WWP2: variants seen among roughly 807,000 people sequenced by gnomAD.
WWP2 encodes the protein NEDD4-like E3 ubiquitin-protein ligase WWP2.
WWP2 carries 57 observed loss-of-function variants against 121.0 expected under a neutral mutation model. The observed-to-expected ratio is 0.47, with a 90% CI of 0.38 to 0.59. The LOEUF (loss-of-function observed/expected upper bound fraction) is 0.59, where lower values mean the gene tolerates loss of function less well. Ranked by LOEUF, WWP2 falls within the 20% of genes least tolerant of loss-of-function variation. The pLI, the probability that WWP2 is intolerant of heterozygous loss-of-function variation, is 0.00. For missense variants in WWP2, 962 were observed against 1,158.9 expected (o/e 0.83, Z 2.47); for synonymous variants, 449 against 441.3 (o/e 1.02, Z -0.22).
At chr16:69,776,550 C>T (rs1378583546) in intron 1 of WWP2, among the ~76,000 whole-genome samples, 4 of 152,138 alleles carry the variant, frequency 2.6e-5, no homozygotes, top group African/African-American at 7.2e-5. Context: ...TGATAATAGG[C>T]CGGGCGCAGT....
At position 69,939,924 on chromosome 16, in the gene WWP2, G is replaced by T; in HGVS notation, c.2597G>T (p.Gly866Val). Residue 866 changes from glycine (G) to valine (V), a missense_variant, in exon 24 of 24, where the codon GGC becomes GTC. By Grantham distance (109) the Gly-to-Val change is moderately radical. This residue lies in a region of WWP2 where 606 missense variants were observed against 772.6 expected (regional missense o/e 0.78). Coordinates refer to ENST00000359154, the MANE Select transcript of WWP2 (RefSeq NM_001270454.2). The stretch of plus-strand genomic sequence containing the variant: ...CTGTATGCCATTGAGGAGACCGAGG[G>T]CTTTGGACAGGAGTAACCGAGGCCG... ...KLLYAIEETE[G>V]FGQE The T allele has an allele frequency of 6.2e-7, 1 of 1,613,702 alleles. No individual in the cohort carries two copies. The highest frequency in any genetic ancestry group is 8.5e-7 in the Non-Finnish European group (1 of 1,179,874).
intron 8 of WWP2, among the ~76,000 whole-genome samples, chr16:69,903,779 AAAG>A (rs1407816121): frequency 1.3e-5 from 2 of 151,912 alleles, no homozygotes; most frequent in Non-Finnish European, 1.5e-5. Context: ...AAAAAAAAAA[AAAG>A]AAAGAAAGAA....
At chr16:69,772,546 G>A (rs1461297082) in intron 1 of WWP2, among the ~76,000 whole-genome samples, 1 of 152,162 alleles carries the variant, frequency 6.6e-6, no homozygotes, top group East Asian at 1.9e-4. Flanking sequence ...GCAGGGCTAC[G>A]CTATAGGCAG....
intron 11 of WWP2, among the ~76,000 whole-genome samples, chr16:69,927,606 C>T (rs929428497): frequency 1.5e-4 from 23 of 152,246 alleles, no homozygotes; most frequent in Non-Finnish European, 2.9e-4. Context: ...GCCTCAAGCC[C>T]GCTGGACAGA....
intron 4 of WWP2, among the ~76,000 whole-genome samples, chr16:69,836,587 C>T (rs1290852528): frequency 6.6e-6 from 1 of 152,120 alleles, no homozygotes; most frequent in Admixed American, 6.5e-5. Context: ...CCTCTCTCTC[C>T]TCATTGGCTA....
intron 11 of WWP2, among the ~76,000 whole-genome samples, chr16:69,928,357 T>C (rs912168586): frequency 1.3e-5 from 2 of 150,702 alleles, no homozygotes; most frequent in Non-Finnish European, 1.5e-5. Flanking sequence ...CCCCTAGTTT[T>C]TTGTTTTTTT....
intron 6 of WWP2, among the ~76,000 whole-genome samples, chr16:69,856,310 T>C (rs1017587890): frequency 1.2e-4 from 18 of 152,096 alleles, no homozygotes; most frequent in African/African-American, 3.6e-4. Context: ...GGAGGAGGGA[T>C]TGACTGCAAA....
At chr16:69,836,237 C>T (rs1376686580) in intron 4 of WWP2, among the ~76,000 whole-genome samples, 3 of 151,982 alleles carry the variant, frequency 2.0e-5, no homozygotes, top group South Asian at 4.1e-4. Context: ...AGTCACAATT[C>T]ACGCATGGCA....
At chr16:69,829,019 C>T (rs1046201576) in intron 4 of WWP2, among the ~76,000 whole-genome samples, 1 of 152,114 alleles carries the variant, frequency 6.6e-6, no homozygotes, top group South Asian at 2.1e-4. Flanking sequence ...GTCCTGTTCC[C>T]GTATTCTGTA....
chr16:69,915,690 C>T (rs960747667), intron 9 of WWP2, among the ~76,000 whole-genome samples: 1 of 152,064 alleles, frequency 6.6e-6, no homozygotes, highest in Admixed American at 6.5e-5. Context: ...AAGAGACCAT[C>T]GTTTTTCATT....
At chr16:69,932,247 T>G (rs10048129) in intron 16 of WWP2, among the ~76,000 whole-genome samples, 7 of 152,190 alleles carry the variant, frequency 4.6e-5, no homozygotes, top group Admixed American at 4.6e-4. Context: ...GAGAATCGCT[T>G]GAACCTGGGA....
At chr16:69,781,134 G>GA (rs201149822) in intron 1 of WWP2, among the ~76,000 whole-genome samples, 105 of 149,568 alleles carry the variant, frequency 7.0e-4, no homozygotes, top group African/African-American at 2.3e-3. Context: ...TTTAAAAAAG[G>GA]AAAAAAAAAG....
intron 4 of WWP2, among the ~76,000 whole-genome samples, chr16:69,808,441 G>A (rs751425601): frequency 1.9e-4 from 29 of 151,630 alleles, no homozygotes; most frequent in African/African-American, 2.7e-4. Flanking sequence ...CACTCTTGTC[G>A]CCCAGGCTGG....
At chr16:69,828,098 G>A (rs1567689184) in intron 4 of WWP2, 1 of 362,282 alleles carries the variant, frequency 2.8e-6, no homozygotes, top group Non-Finnish European at 5.3e-6. Context: ...GAAAATGTGT[G>A]TAGCTGGATG....
chr16:69,873,168 G>A (rs2057672790), intron 7 of WWP2, among the ~76,000 whole-genome samples: 1 of 152,228 alleles, frequency 6.6e-6, no homozygotes, highest in African/African-American at 2.4e-5. Context: ...TTTCACGGAA[G>A]TGTTGTTGTG....
At chr16:69,873,711 T>C (rs1045984214) in intron 7 of WWP2, among the ~76,000 whole-genome samples, 1 of 152,130 alleles carries the variant, frequency 6.6e-6, no homozygotes, top group Non-Finnish European at 1.5e-5. Flanking sequence ...CAAATGGGGA[T>C]GGGGGACTGG....
At chr16:69,874,836 G>A (rs764567108) in intron 7 of WWP2, among the ~76,000 whole-genome samples, 1 of 152,030 alleles carries the variant, frequency 6.6e-6, no homozygotes, top group Non-Finnish European at 1.5e-5. Context: ...CCAGTGACTC[G>A]CTAGGTCTTA....
At chr16:69,918,106 G>A (rs558502682) in intron 10 of WWP2, among the ~76,000 whole-genome samples, 3 of 152,246 alleles carry the variant, frequency 2.0e-5, no homozygotes, top group African/African-American at 7.2e-5. Flanking sequence ...AGGAATCAAC[G>A]TGTCTAAAAC....
intron 2 of WWP2, among the ~76,000 whole-genome samples, chr16:69,797,020 C>T (rs1374514817): frequency 6.6e-6 from 1 of 152,218 alleles, no homozygotes; most frequent in Non-Finnish European, 1.5e-5. Flanking sequence ...GATAGACTTG[C>T]CATTACAGGC....
Sources: allele counts gnomAD v4.1 joint callset (sites outside exome capture counted in the v4.1 genomes callset), GRCh38; gene constraint gnomAD v4.1.1; regional missense constraint gnomAD v4.1.1; transcripts MANE v1.5; gene names NCBI Gene and HGNC (gene_info 2026-07-23, HGNC 2026-07-21).